The following EPHB1 variants were observed in gnomAD, a reference collection of about 807,000 sequenced individuals.
EPHB1 encodes the protein EPH receptor B1.
In EPHB1, 30 loss-of-function variants were observed where a neutral mutation model predicts 94.4. That is an observed-to-expected ratio of 0.32 (90% CI 0.24 to 0.43). EPHB1 has a LOEUF of 0.43. Among genes scored for constraint, EPHB1 ranks in the 20% least tolerant of loss-of-function variants. The probability of loss-of-function intolerance (pLI) is 1.00; values close to 1 mark genes in which losing one functional copy is unlikely to be tolerated. For synonymous variants in EPHB1, 522 were observed against 489.1 expected (o/e 1.07, Z -0.89); for missense variants, 1,055 against 1,308.3 (o/e 0.81, Z 2.99).
intron 1 of EPHB1, among the ~76,000 whole-genome samples, chr3:134,920,485 G>A (rs75161510): frequency 0.018 from 2,681 of 152,216 alleles, 85 homozygotes; most frequent in African/African-American, 0.061. Flanking sequence ...AAAGGTCTGT[G>A]GACTTGCCTT....
At chr3:134,947,434 G>T (rs2039235826) in intron 2 of EPHB1, among the ~76,000 whole-genome samples, 1 of 152,208 alleles carries the variant, frequency 6.6e-6, no homozygotes, top group African/African-American at 2.4e-5. Flanking sequence ...AAGAATGAAA[G>T]AGGGAAAGAA....
At chr3:135,120,655 C>T (rs1316679756) in intron 4 of EPHB1, among the ~76,000 whole-genome samples, 3 of 152,174 alleles carry the variant, frequency 2.0e-5, no homozygotes, top group African/African-American at 7.2e-5. Flanking sequence ...TTTTTGTTCT[C>T]TTGACCTTGA....
At chr3:135,142,117 G>A (rs1203660217) in intron 5 of EPHB1, among the ~76,000 whole-genome samples, 6 of 152,160 alleles carry the variant, frequency 3.9e-5, no homozygotes, top group Admixed American at 3.9e-4. Context: ...GGATATTCAG[G>A]CTTCTATTTT....
intron 1 of EPHB1, among the ~76,000 whole-genome samples, chr3:134,807,061 G>A (rs975901643): frequency 3.9e-5 from 6 of 152,166 alleles, no homozygotes; most frequent in Non-Finnish European, 8.8e-5. Flanking sequence ...AAACTGAACC[G>A]AGATGGAATA....
intron 5 of EPHB1, among the ~76,000 whole-genome samples, chr3:135,144,824 G>A (rs1386157839): frequency 6.6e-6 from 1 of 152,148 alleles, no homozygotes; most frequent in South Asian, 2.1e-4. Flanking sequence ...ACAGCACAGA[G>A]CAGAGCTACA....
At chr3:134,848,941 G>A (rs142020282) in intron 1 of EPHB1, among the ~76,000 whole-genome samples, 1 of 152,378 alleles carries the variant, frequency 6.6e-6, no homozygotes, top group East Asian at 1.9e-4. Flanking sequence ...GCTGTATTTT[G>A]AGTATCTGCA....
chr3:135,179,833 T>C lies in EPHB1; in HGVS notation c.1760-27T>C, dbSNP rs778816045. The C allele has an allele frequency of 3.7e-6, 6 of 1,613,034 alleles. No homozygotes were observed. The South Asian group carries it at 6.6e-5, about 18-fold the overall frequency. Reference sequence around the variant, plus strand: ...TGACAACCATGTCCTCTTTGGGATGTTAACCCTGCTTATCTCCTCCAACAA... The same window carrying C: ...TGACAACCATGTCCTCTTTGGGATGCTAACCCTGCTTATCTCCTCCAACAA... On this transcript the variant is annotated intron_variant, in intron 9 of 15. Coordinates refer to ENST00000398015, the MANE Select transcript of EPHB1 (RefSeq NM_004441.5).
chr3:135,255,596 T>G (rs1351855371), intron 15 of EPHB1, among the ~76,000 whole-genome samples: 2 of 148,914 alleles, frequency 1.3e-5, no homozygotes, highest in South Asian at 2.2e-4. Context: ...TTGTTATAAT[T>G]TCTGTTCTTT....
At chr3:135,192,344 C>CACTTAAAACA (rs1553746569) in intron 10 of EPHB1, among the ~76,000 whole-genome samples, 3 of 152,122 alleles carry the variant, frequency 2.0e-5, no homozygotes, top group African/African-American at 7.2e-5. Context: ...TTTAGTTACC[C>CACTTAAAACA]AAACTATTTC....
At chr3:135,196,936 T>C (rs1353425874) in intron 11 of EPHB1, among the ~76,000 whole-genome samples, 1 of 152,038 alleles carries the variant, frequency 6.6e-6, no homozygotes, top group Admixed American at 6.6e-5. Flanking sequence ...ATTCAAGGGA[T>C]TCAACCTGGT....
chr3:134,877,387 C>A (rs572817098), intron 1 of EPHB1, among the ~76,000 whole-genome samples: 58 of 152,234 alleles, frequency 3.8e-4, no homozygotes, highest in African/African-American at 1.3e-3. Context: ...GTTGCTAAGC[C>A]CCCTGACCCC....
In EPHB1 at chr3:135,136,337, A is replaced by G. The variant is rs575769984; in HGVS notation, c.1297+3288A>G. Among the ~76,000 whole-genome samples, 52 of 152,276 alleles carry G rather than the reference A, an allele frequency of 3.4e-4. 1 individual carries two copies. The highest frequency in any genetic ancestry group is 1.2e-3 in the African/African-American group (49 of 41,558). The stretch of plus-strand genomic sequence containing the variant: ...TTCATCTTCTCCCATCATGACCCCA[A>G]TTATGTATATAGTCATGACTATTCA... On this transcript the variant is annotated intron_variant, in intron 5 of 15. Transcript: ENST00000398015.
At chr3:134,879,576 T>C (rs905503012) in intron 1 of EPHB1, among the ~76,000 whole-genome samples, 3 of 152,088 alleles carry the variant, frequency 2.0e-5, no homozygotes, top group Non-Finnish European at 4.4e-5. Context: ...CACTTGAGTC[T>C]GGGATGTGGA....
Position 135,233,587 on chromosome 3 carries a change from G to A in EPHB1, c.2347-7561G>A, listed in dbSNP as rs149478554. Among the ~76,000 whole-genome samples the A allele has an allele frequency of 8.6e-3, 1,316 of 152,300 alleles. 8 individuals carry two copies. Among genetic ancestry groups the A allele is most frequent in the Non-Finnish European group, 0.012 (834 of 68,024 alleles). On this transcript the variant is annotated intron_variant, in intron 12 of 15. Transcript: ENST00000398015. ...ACCATTCTAGGGTCTGGAGGATGAT[G>A]GCCCTCTTCTCACAGCTCCACCAGG... is the stretch of plus-strand genomic sequence containing the variant.
At chr3:135,164,959 C>G (rs141434408) in intron 7 of EPHB1, among the ~76,000 whole-genome samples, 1 of 152,096 alleles carries the variant, frequency 6.6e-6, no homozygotes, top group Admixed American at 6.6e-5. Context: ...TATACTAAAA[C>G]CTTTTTCATT....
At chr3:135,046,466 T>TA (rs141103970) in intron 3 of EPHB1, among the ~76,000 whole-genome samples, 6,320 of 152,294 alleles carry the variant, frequency 0.041, 416 homozygotes, top group African/African-American at 0.14. Flanking sequence ...TTAACATCTA[T>TA]AAAAATTCCT....
chr3:135,089,898 C>T, intron 3 of EPHB1, among the ~76,000 whole-genome samples: 1 of 152,210 alleles, frequency 6.6e-6, no homozygotes, highest in Non-Finnish European at 1.5e-5. Flanking sequence ...AGTTCAATGG[C>T]TTCCCTAAGT....
chr3:134,897,578 G>A (rs2038112639), intron 1 of EPHB1, among the ~76,000 whole-genome samples: 1 of 152,174 alleles, frequency 6.6e-6, no homozygotes, highest in South Asian at 2.1e-4. Context: ...AACTCAAGGT[G>A]GCATTTCCTC....
At chr3:134,967,894 AG>A (rs547330782) in intron 3 of EPHB1, among the ~76,000 whole-genome samples, 189 of 152,306 alleles carry the variant, frequency 1.2e-3, no homozygotes, top group African/African-American at 4.3e-3. Flanking sequence ...GAGGTCTCAA[AG>A]TGGACTTTTC....
Sources: gnomAD v4.1 joint callset for allele counts (sites outside exome capture counted in the v4.1 genomes callset) on GRCh38, gnomAD v4.1.1 for gene constraint, MANE v1.5 for transcripts, NCBI Gene and HGNC (gene_info 2026-07-23, HGNC 2026-07-21) for gene names.